Variants in ASPH observed in about 807,000 individuals in gnomAD.
ASPH encodes the protein aspartyl/asparaginyl beta-hydroxylase.
In ASPH, 100 loss-of-function variants were observed where a neutral mutation model predicts 118.4. The observed-to-expected ratio is 0.84, with a 90% CI of 0.72 to 1.00. ASPH has a LOEUF of 1.00. Ranked by LOEUF, ASPH falls within the 50% of genes least tolerant of loss-of-function variation. The probability of loss-of-function intolerance (pLI) is 0.00; values close to 1 mark genes in which losing one functional copy is unlikely to be tolerated. For synonymous variants in ASPH, 315 were observed against 325.6 expected, an observed-to-expected ratio of 0.97 and a Z score of 0.35; for missense variants, 920 against 919.5, an observed-to-expected ratio of 1.00 and a Z score of -0.01.
chr8:61,663,741 T>C, intron 3 of ASPH: 2 of 970,984 alleles, frequency 2.1e-6, no homozygotes, highest in Non-Finnish European at 2.4e-6. Flanking sequence ...AATAACAGGA[T>C]TATATTGGAG....
chr8:61,610,831 G>C (rs1847090901), intron 14 of ASPH, among the ~76,000 whole-genome samples: 14 of 152,218 alleles, frequency 9.2e-5, no homozygotes, highest in Admixed American at 9.2e-4. Flanking sequence ...CAAGGCTAAA[G>C]CATCTCCAGT....
intron 23 of ASPH, 51 bp downstream of exon 23, chr8:61,517,981 C>T: frequency 6.5e-7 from 1 of 1,539,202 alleles, no homozygotes; most frequent in South Asian, 1.1e-5. Context: ...GTCAACACGC[C>T]CTTATTCCTA....
intron 14 of ASPH, among the ~76,000 whole-genome samples, chr8:61,588,804 C>A (rs760452826): frequency 6.6e-6 from 1 of 152,190 alleles, no homozygotes; most frequent in African/African-American, 2.4e-5. Context: ...TGAAGACGTA[C>A]ACAAAGACTT....
intron 16 of ASPH, among the ~76,000 whole-genome samples, chr8:61,573,477 T>C (rs151171604): frequency 1.3e-5 from 2 of 152,232 alleles, no homozygotes; most frequent in South Asian, 2.1e-4. Flanking sequence ...TACAAGGCTA[T>C]AGTAACCAAA....
intron 10 of ASPH, among the ~76,000 whole-genome samples, chr8:61,641,316 T>A (rs1244287138): frequency 6.6e-6 from 1 of 152,210 alleles, no homozygotes; most frequent in Non-Finnish European, 1.5e-5. Flanking sequence ...ATTCCAAACA[T>A]GTTCTTTATA....
intron 21 of ASPH, among the ~76,000 whole-genome samples, chr8:61,544,310 A>C (rs1165866208): frequency 1.3e-5 from 2 of 152,182 alleles, no homozygotes; most frequent in African/African-American, 2.4e-5. Context: ...TGATTTTAAC[A>C]ATTTTTCTCA....
In ASPH at chr8:61,684,046, T is replaced by C; in HGVS notation, c.246A>G (p.Glu82=). 1 of 1,613,444 alleles carries C rather than the reference T, an allele frequency of 6.2e-7. No homozygotes were observed. The highest frequency in any genetic ancestry group is 8.5e-7 in the Non-Finnish European group (1 of 1,179,636). ...VVWFDLVDYE[E]VLGKLGIYDA... ...GGATATCAAAATTCTTACCTAGAAC[T>C]TCCTCATAGTCAACAAGATCAAACC... Residue 82 remains glutamate (E), a synonymous_variant, in exon 2 of 25, where the codon GAA becomes GAG. Transcript: ENST00000379454.
intron 21 of ASPH, among the ~76,000 whole-genome samples, chr8:61,543,260 G>A (rs546394681): frequency 6.6e-6 from 1 of 152,132 alleles, no homozygotes; most frequent in South Asian, 2.1e-4. Flanking sequence ...TTATGCATAT[G>A]CTGGTACACT....
At chr8:61,681,532 T>TA (rs1322797707) in intron 2 of ASPH, among the ~76,000 whole-genome samples, 3 of 151,758 alleles carry the variant, frequency 2.0e-5, no homozygotes, top group African/African-American at 4.8e-5. Context: ...TACTAAAAAC[T>TA]AAAAAATCAT....
At chr8:61,525,870 A>T in intron 22 of ASPH, 107 bp downstream of exon 22, 1 of 1,480,956 alleles carries the variant, frequency 6.8e-7, no homozygotes, top group Non-Finnish European at 9.1e-7. Context: ...CCCCTCGTTT[A>T]AGCCTGGGAA....
chr8:61,537,364 T>C (rs960797555), intron 21 of ASPH, among the ~76,000 whole-genome samples: 15 of 152,244 alleles, frequency 9.9e-5, no homozygotes, highest in Non-Finnish European at 4.4e-5. Flanking sequence ...ATAATGTGTA[T>C]GTGCATATGC....
At chr8:61,669,251 T>C (rs75237138) in intron 3 of ASPH, among the ~76,000 whole-genome samples, 71 of 152,346 alleles carry the variant, frequency 4.7e-4, no homozygotes, top group African/African-American at 1.6e-3. Context: ...GTCTGTTCTA[T>C]TATATTGTTC....
chr8:61,519,684 GC>G (rs931086934), intron 22 of ASPH, among the ~76,000 whole-genome samples: 2 of 151,894 alleles, frequency 1.3e-5, no homozygotes, highest in African/African-American at 4.8e-5. Flanking sequence ...GTGGGAGGAG[GC>G]AGATGAGTAA....
In ASPH at chr8:61,629,257, T is replaced by C. The variant is rs866858002; in HGVS notation, c.934+4426A>G. ...AACATAAACTAACTTTTAAAATTCT[T>C]TTCTGGCAGGGTATAACAGAAAAAT... On this transcript the variant is annotated intron_variant, in intron 13 of 24. Coordinates refer to ENST00000379454, the MANE Select transcript of ASPH (RefSeq NM_004318.4). Among the ~76,000 whole-genome samples the C allele has an allele frequency of 1.3e-4, 20 of 152,350 alleles. 1 individual carries two copies. In the Middle Eastern group the frequency reaches 0.01, roughly 78 times the overall value.
intron 14 of ASPH, among the ~76,000 whole-genome samples, chr8:61,605,267 C>T (rs367698497): frequency 1.3e-5 from 2 of 152,194 alleles, no homozygotes; most frequent in African/African-American, 4.8e-5. Context: ...TATCAGATTA[C>T]TCTTCTATTG....
chr8:61,614,080 G>A (rs1848278022), intron 14 of ASPH, among the ~76,000 whole-genome samples: 1 of 151,944 alleles, frequency 6.6e-6, no homozygotes, highest in African/African-American at 2.4e-5. Flanking sequence ...GTGTAAATGT[G>A]ATTTGTTTTC....
At chr8:61,593,916 T>C (rs1230572387) in intron 14 of ASPH, among the ~76,000 whole-genome samples, 1 of 152,206 alleles carries the variant, frequency 6.6e-6, no homozygotes, top group Non-Finnish European at 1.5e-5. Context: ...CTAATAATCT[T>C]GGTGTTCTGT....
chr8:61,658,085 T>C (rs1448011912), intron 3 of ASPH: 8 of 152,250 alleles, frequency 5.3e-5, no homozygotes, highest in African/African-American at 1.9e-4. Context: ...ATTTGAGAAA[T>C]ATTCTGGAAA....
At chr8:61,622,813 G>A (rs965478737) in intron 13 of ASPH, among the ~76,000 whole-genome samples, 1 of 152,156 alleles carries the variant, frequency 6.6e-6, no homozygotes, top group Non-Finnish European at 1.5e-5. Flanking sequence ...ATACTTATCT[G>A]CTGAGAAAAC....
Sources: allele counts gnomAD v4.1 joint callset (sites outside exome capture counted in the v4.1 genomes callset), GRCh38; gene constraint gnomAD v4.1.1; transcripts MANE v1.5; gene names NCBI Gene and HGNC (gene_info 2026-07-23, HGNC 2026-07-21).